COL23A1: variants seen among roughly 807,000 people sequenced by gnomAD.
The protein encoded by COL23A1 is collagen alpha-1(XXIII) chain.
In COL23A1, 97 loss-of-function variants were observed where a neutral mutation model predicts 99.3. The observed-to-expected ratio is 0.98, with a 90% CI of 0.83 to 1.16. The LOEUF (loss-of-function observed/expected upper bound fraction) is 1.16. Ranked by LOEUF, COL23A1 falls within the 50% of genes most tolerant of loss-of-function variation. COL23A1 has a pLI of 0.00. For missense variants in COL23A1, 762 were observed against 757.4 expected (o/e 1.01, Z -0.07); for synonymous variants, 320 against 308.2 (o/e 1.04, Z -0.40).
rs1251625976 is a variant in COL23A1, at chr5:178,502,708, GA to G, written c.361+57973del. ...TTGGAAAACATTTTGGAATCATATT[GA>G]AAAGCTGAACATTCACATAGTTGAC... On this transcript the variant is annotated intron_variant, in intron 2 of 28. Coordinates refer to ENST00000390654, the MANE Select transcript of COL23A1 (RefSeq NM_173465.4). 2.6e-5 allele frequency among the ~76,000 whole-genome samples: 4 copies of G among 152,196 alleles called. No individual in the cohort carries two copies. In the East Asian group the frequency reaches 7.7e-4, roughly 29 times the overall value.
intron 2 of COL23A1, among the ~76,000 whole-genome samples, chr5:178,392,582 T>A (rs1342529272): frequency 6.6e-6 from 1 of 152,130 alleles, no homozygotes; most frequent in Non-Finnish European, 1.5e-5. Context: ...TCTGCCTTCT[T>A]ACTGAGACAC....
At chr5:178,399,941 G>A (rs1048185882) in intron 2 of COL23A1, among the ~76,000 whole-genome samples, 1 of 152,324 alleles carries the variant, frequency 6.6e-6, no homozygotes, top group Middle Eastern at 3.4e-3. Context: ...TAGGGGCCTG[G>A]GGACAGGGTT....
intron 6 of COL23A1, 51 bp downstream of exon 6, chr5:178,270,286 C>T (rs771631939): frequency 1.3e-5 from 21 of 1,610,770 alleles, no homozygotes; most frequent in Non-Finnish European, 1.6e-5. Context: ...CCTAGCCCCA[C>T]GGTGGCAGCC....
chr5:178,292,192 G>C (rs556388708), intron 3 of COL23A1, among the ~76,000 whole-genome samples: 1 of 151,388 alleles, frequency 6.6e-6, no homozygotes, highest in Admixed American at 6.6e-5. Flanking sequence ...CCTCCTCCTC[G>C]ATCTGTTCCT....
At chr5:178,357,972 G>T (rs1029785284) in intron 2 of COL23A1, among the ~76,000 whole-genome samples, 57 of 147,804 alleles carry the variant, frequency 3.9e-4, no homozygotes, top group African/African-American at 1.4e-3. Flanking sequence ...GTATGTGTAT[G>T]TGTATATATG....
intron 2 of COL23A1, among the ~76,000 whole-genome samples, chr5:178,379,994 C>T (rs779140062): frequency 6.6e-6 from 1 of 152,160 alleles, no homozygotes; most frequent in Non-Finnish European, 1.5e-5. Flanking sequence ...GGCCCCACAG[C>T]CTCAGGTTGG....
chr5:178,577,700 G>A (rs1763452653), intron 1 of COL23A1, among the ~76,000 whole-genome samples: 1 of 152,260 alleles, frequency 6.6e-6, no homozygotes, highest in South Asian at 2.1e-4. Flanking sequence ...GCCCCCGCGG[G>A]GCAGCCCCAG....
At chr5:178,582,585 C>T (rs146522338) in intron 1 of COL23A1, among the ~76,000 whole-genome samples, 3 of 152,272 alleles carry the variant, frequency 2.0e-5, no homozygotes, top group Admixed American at 6.5e-5. Context: ...CCCCTGGCTG[C>T]GCCAGCCCCA....
intron 2 of COL23A1, among the ~76,000 whole-genome samples, chr5:178,559,794 A>G: frequency 7.4e-6 from 1 of 135,944 alleles, no homozygotes; most frequent in East Asian, 2.1e-4. Flanking sequence ...CACATCGAGA[A>G]GTCTGAGACA....
chr5:178,389,182 G>A (rs1763829620), intron 2 of COL23A1, among the ~76,000 whole-genome samples: 2 of 151,958 alleles, frequency 1.3e-5, no homozygotes, highest in South Asian at 2.1e-4. Context: ...TCACGCTCCC[G>A]TTGCCTCAGT....
At chr5:178,357,828 G>A (rs1372490789) in intron 2 of COL23A1, among the ~76,000 whole-genome samples, 1 of 150,750 alleles carries the variant, frequency 6.6e-6, no homozygotes, top group African/African-American at 2.4e-5. Context: ...GTGTGTTTAT[G>A]TGTATGTGTG....
chr5:178,555,657 G>A (rs1245385203), intron 2 of COL23A1, among the ~76,000 whole-genome samples: 1 of 152,190 alleles, frequency 6.6e-6, no homozygotes, highest in East Asian at 1.9e-4. Context: ...AAGAGTGAGT[G>A]AATGCAAGGG....
At chr5:178,297,708 C>T (rs1279869815) in intron 3 of COL23A1, among the ~76,000 whole-genome samples, 3 of 152,196 alleles carry the variant, frequency 2.0e-5, no homozygotes, top group Admixed American at 2.0e-4. Context: ...GGGACCATAT[C>T]CCTGGGACCA....
At chr5:178,321,390 A>G (rs1037430358) in intron 2 of COL23A1, among the ~76,000 whole-genome samples, 1 of 151,838 alleles carries the variant, frequency 6.6e-6, no homozygotes, top group African/African-American at 2.4e-5. Context: ...GGAGCTCAGC[A>G]GCATTTGTCC....
chr5:178,590,036 C>A lies in COL23A1; in HGVS notation c.162G>T (p.Leu54=). 1 of 1,353,492 alleles carries A rather than the reference C, an allele frequency of 7.4e-7. No homozygotes were observed. Among genetic ancestry groups the A allele is most frequent in the Non-Finnish European group, 9.5e-7 (1 of 1,049,462 alleles). The allele number at this position is 1,353,492 out of a possible 1,614,324, so 83.8% of individuals were successfully genotyped here. A position where few individuals can be genotyped will look rare whatever the true frequency, so the allele number is the denominator to read the frequency against. Residue 54 remains leucine, a synonymous_variant, in exon 1 of 29, where the codon CTG becomes CTT. Transcript: ENST00000390654. This position sits in a 1 kb window ranked among gnomAD's most constrained non-coding sequence, Gnocchi z 5.7. ...CCTGCAGCGCGGCCGCCTGGACACC[C>A]AGCAGCAGGCAGGCAGCCGCCGAGC... ...SVGSAAACLL[L]GVQAAALQGR... is the part of the protein sequence containing the mutation.
At chr5:178,261,010 A>AGGTGGGTCATCTGTAGCAAGT (rs1581473945) in intron 11 of COL23A1, among the ~76,000 whole-genome samples, 2 of 151,974 alleles carry the variant, frequency 1.3e-5, no homozygotes, top group East Asian at 3.9e-4. Context: ...CTGTCCACAC[A>AGGTGGGTCATCTGTAGCAAGT]GGTGGGTCAT....
chr5:178,378,067 CAGG>C (rs1021341359), intron 2 of COL23A1: 20 of 152,432 alleles, frequency 1.3e-4, no homozygotes, highest in African/African-American at 4.8e-4. Context: ...GGTGACCTCC[CAGG>C]AGAAGGGGAC....
intron 2 of COL23A1, among the ~76,000 whole-genome samples, chr5:178,418,827 C>T (rs536832438): frequency 7.2e-4 from 110 of 152,340 alleles, no homozygotes; most frequent in African/African-American, 2.5e-3. Context: ...GCACAGTAAG[C>T]CATGTGGCCC....
At chr5:178,382,880 C>T (rs898965092) in intron 2 of COL23A1, among the ~76,000 whole-genome samples, 2 of 152,126 alleles carry the variant, frequency 1.3e-5, no homozygotes, top group Admixed American at 6.5e-5. Context: ...CCTGGCTCCT[C>T]GGCTGGCCTG....
Sources: gnomAD v4.1 joint callset for allele counts (sites outside exome capture counted in the v4.1 genomes callset) on GRCh38, gnomAD v4.1.1 for gene constraint, Gnocchi (gnomAD v3.1) non-coding constraint, MANE v1.5 for transcripts, NCBI Gene and HGNC (gene_info 2026-07-23, HGNC 2026-07-21) for gene names.